MPDZ: variants seen among roughly 807,000 people sequenced by gnomAD.
The protein encoded by MPDZ is multiple PDZ domain protein.
A neutral mutation model predicts 239.1 loss-of-function variants in MPDZ; 234 were observed. The observed-to-expected ratio is 0.98, with a 90% confidence interval of 0.88 to 1.09. The LOEUF (loss-of-function observed/expected upper bound fraction) is 1.09. MPDZ is among the 50% of genes least tolerant of loss of function. The pLI is 0.00. For missense variants in MPDZ, 3,175 were observed against 2,510.0 expected, an observed-to-expected ratio of 1.26 and a Z score of -5.66; for synonymous variants, 1,048 against 881.3, an observed-to-expected ratio of 1.19 and a Z score of -3.35.
chr9:13,224,320 C>A, intron 4 of MPDZ, 54 bp downstream of exon 4: 1 of 1,409,874 alleles, frequency 7.1e-7, no homozygotes, highest in African/African-American at 1.4e-5. Context: ...AACTTGATCA[C>A]ATTCTTAAAT....
At chr9:13,248,692 G>A (rs1004264197) in intron 2 of MPDZ, among the ~76,000 whole-genome samples, 1 of 151,706 alleles carries the variant, frequency 6.6e-6, no homozygotes, top group African/African-American at 2.4e-5. Context: ...AATCAGTGGG[G>A]CGCGGTGGCT....
intron 10 of MPDZ, among the ~76,000 whole-genome samples, chr9:13,212,697 G>A (rs912951484): frequency 6.6e-6 from 1 of 151,052 alleles, no homozygotes; most frequent in Admixed American, 6.6e-5. Flanking sequence ...TCCAGGCCAG[G>A]TGCGGTGGCT....
intron 32 of MPDZ, among the ~76,000 whole-genome samples, chr9:13,132,871 T>C (rs1017696198): frequency 1.3e-5 from 2 of 152,136 alleles, no homozygotes; most frequent in Non-Finnish European, 2.9e-5. Flanking sequence ...CTGCTCCCAA[T>C]CACTACAGTA....
intron 22 of MPDZ, among the ~76,000 whole-genome samples, chr9:13,167,382 T>G (rs1050616078): frequency 2.0e-5 from 3 of 152,098 alleles, no homozygotes; most frequent in African/African-American, 4.8e-5. Context: ...AATAATACTT[T>G]TTATATAAGA....
chr9:13,230,062 G>C (rs966296456), intron 3 of MPDZ, among the ~76,000 whole-genome samples: 1 of 152,014 alleles, frequency 6.6e-6, no homozygotes, highest in African/African-American at 2.4e-5. Flanking sequence ...GAGGATATAT[G>C]GCTGGCAAAT....
At chr9:13,261,906 G>A (rs997841876) in intron 1 of MPDZ, among the ~76,000 whole-genome samples, 20 of 151,118 alleles carry the variant, frequency 1.3e-4, no homozygotes, top group African/African-American at 4.6e-4. Flanking sequence ...TTAGCCAGGC[G>A]TAGAGGCACA....
intron 1 of MPDZ, among the ~76,000 whole-genome samples, chr9:13,272,449 C>T (rs1973197769): frequency 6.6e-6 from 1 of 151,968 alleles, no homozygotes; most frequent in African/African-American, 2.4e-5. Context: ...TTTTGTAAAA[C>T]AGCATAGGAT....
intron 1 of MPDZ, among the ~76,000 whole-genome samples, chr9:13,266,733 T>G (rs1161110236): frequency 6.6e-6 from 1 of 152,200 alleles, no homozygotes; most frequent in African/African-American, 2.4e-5. Flanking sequence ...CAGCCATTAT[T>G]ATGTGGGGTA....
chr9:13,118,368 A>C (rs1943816945), intron 39 of MPDZ, among the ~76,000 whole-genome samples: 1 of 152,202 alleles, frequency 6.6e-6, no homozygotes, highest in African/African-American at 2.4e-5. Flanking sequence ...TTAATAACCA[A>C]ATTTATAAAC....
chr9:13,175,826 C>A lies in MPDZ; in HGVS notation c.2981G>T (p.Cys994Phe), dbSNP rs374056827. 1 of 1,590,894 alleles carries A rather than the reference C, an allele frequency of 6.3e-7. No individual in the cohort carries two copies. The highest frequency in any genetic ancestry group is 1.8e-5 in the Admixed American group (1 of 56,440). Residue 994 changes from cysteine (C) to phenylalanine (F), a missense_variant, in exon 21 of 47, where the codon TGT becomes TTT. Physicochemically the swap from Cys to Phe is radical, Grantham distance 205. Transcript: ENST00000319217. ...EQSSLACNAE[C>F]VMLQNVSKES... Reference sequence around the variant, plus strand: ...TTTAGATACATTTTGAAGCATGACACACTCAGCATTACAGGCCAGGGAGCT... The same window carrying A: ...TTTAGATACATTTTGAAGCATGACAAACTCAGCATTACAGGCCAGGGAGCT...
chr9:13,200,789 T>C (rs1228652121), intron 12 of MPDZ, among the ~76,000 whole-genome samples: 1 of 152,126 alleles, frequency 6.6e-6, no homozygotes, highest in Admixed American at 6.6e-5. Flanking sequence ...TGATATGATT[T>C]TGATATTTTA....
At chr9:13,116,776 A>G (rs1336725830) in intron 39 of MPDZ, among the ~76,000 whole-genome samples, 1 of 152,180 alleles carries the variant, frequency 6.6e-6, no homozygotes, top group Non-Finnish European at 1.5e-5. Flanking sequence ...TAAAAAGAAA[A>G]TTTTGGAAAT....
chr9:13,147,518 A>C, intron 26 of MPDZ, 30 bp downstream of exon 26: 1 of 1,522,506 alleles, frequency 6.6e-7, no homozygotes, highest in Non-Finnish European at 9.1e-7. Flanking sequence ...CTGTTTGGAT[A>C]TGCCTACCTT....
At position 13,176,186 on chromosome 9, in the gene MPDZ, C is replaced by A; in HGVS notation, c.2881G>T (p.Val961Phe). Residue 961 changes from valine (V) to phenylalanine (F), a missense_variant, in exon 20 of 47, where the codon GTT becomes TTT. Physicochemically the swap from Val to Phe is conservative, Grantham distance 50. Coordinates refer to ENST00000319217, the MANE Select transcript of MPDZ (RefSeq NM_001378778.1). ...VWTESHLPSE[V>F]ISSAELPSVL... ...GAAGGAAGTTCTGCACTTGATATAA[C>A]TTCACTTGGTAAATGAGATTCAGTC... 6.2e-7 allele frequency: 1 copy of A among 1,603,930 alleles called. No homozygotes were observed. The highest frequency in any genetic ancestry group is 1.7e-5 in the Admixed American group (1 of 58,754).
chr9:13,119,522 CT>C lies in MPDZ; in HGVS notation c.5358del (p.Ala1787ArgfsTer6), dbSNP rs1944012222. On this transcript the variant is annotated frameshift_variant, in exon 39 of 47. Transcript: ENST00000319217. LOFTEE classifies it high-confidence loss of function. The part of the protein sequence containing the change: ...NGEDVRNATQ[E>X]AVAALLKCSL... The stretch of plus-strand genomic sequence containing the variant: ...TTTACCTTTAGCAAAGCGGCAACCG[CT>C]TCTTGGGTGGCATTACGAACGTCTT... 2 of 1,612,514 alleles carry C rather than the reference CT, an allele frequency of 1.2e-6. No homozygotes were observed. Among genetic ancestry groups the C allele is most frequent in the Non-Finnish European group, 1.7e-6 (2 of 1,179,364 alleles).
chr9:13,217,764 C>T (rs1338552470), intron 8 of MPDZ, among the ~76,000 whole-genome samples: 1 of 151,750 alleles, frequency 6.6e-6, no homozygotes, highest in Admixed American at 6.6e-5. Context: ...ACAACTAGAC[C>T]AGCTACCATT....
At chr9:13,203,560 C>G (rs1956632720) in intron 12 of MPDZ, among the ~76,000 whole-genome samples, 2 of 152,120 alleles carry the variant, frequency 1.3e-5, no homozygotes, top group Non-Finnish European at 2.9e-5. Context: ...TCCAGGCTTG[C>G]ACGATGTGTA....
In MPDZ at chr9:13,249,996, T is replaced by C. The variant is rs546630399; in HGVS notation, c.16+304A>G. On this transcript the variant is annotated intron_variant, in intron 2 of 46. Transcript: ENST00000319217. ...TCCAGATGCTTTCCAGAAATAGATA[T>C]TAACCAGAATTAGGCTCATAAATCA... is the stretch of plus-strand genomic sequence containing the variant. Among the ~76,000 whole-genome samples, 25 of 152,332 alleles carry C rather than the reference T, an allele frequency of 1.6e-4. No individual in the cohort carries two copies. In the South Asian group the frequency reaches 4.3e-3, roughly 26 times the overall value.
chr9:13,261,700 T>C (rs1303119754), intron 1 of MPDZ, among the ~76,000 whole-genome samples: 3 of 151,990 alleles, frequency 2.0e-5, no homozygotes, highest in Admixed American at 6.6e-5. Context: ...AGAAAAGCCA[T>C]AAGCTGCCAC....
Sources: gnomAD v4.1 joint callset for allele counts (sites outside exome capture counted in the v4.1 genomes callset) on GRCh38, gnomAD v4.1.1 for gene constraint, MANE v1.5 for transcripts, NCBI Gene and HGNC (gene_info 2026-07-23, HGNC 2026-07-21) for gene names.